The following COL21A1 variants were observed in gnomAD, a reference collection of about 807,000 sequenced individuals.
COL21A1 encodes the protein collagen type XXI alpha 1 chain, also known as collagen alpha-1(XXI) chain.
In COL21A1, 149 loss-of-function variants were observed where a neutral mutation model predicts 137.9. That is an observed-to-expected ratio of 1.08 (90% CI 0.95 to 1.24). The LOEUF (loss-of-function observed/expected upper bound fraction) is 1.24, where lower values mean the gene tolerates loss of function less well. Among genes scored for constraint, COL21A1 ranks in the 50% most tolerant of loss-of-function variants. The pLI, the probability that COL21A1 is intolerant of heterozygous loss-of-function variation, is 0.00. For missense variants in COL21A1, 1,167 were observed against 1,158.4 expected, an observed-to-expected ratio of 1.01 and a Z score of -0.11; for synonymous variants, 456 against 391.5, an observed-to-expected ratio of 1.16 and a Z score of -1.95.
rs374235608 is a variant in COL21A1 at position 56,323,285 on chromosome 6, T to C, written c.-39+70686A>G. 2.0e-5 allele frequency among the ~76,000 whole-genome samples: 3 copies of C among 152,192 alleles called. No homozygotes were observed. In the East Asian group the frequency reaches 5.8e-4, roughly 29 times the overall value. On this transcript the variant is annotated intron_variant, in intron 1 of 28. Coordinates refer to the COL21A1 transcript ENST00000370819. ...GATATGGCATGAACATCAAAGTTTTTCATATTGTTTTCTTGAAAAATCACT... is the reference window on the plus strand; with the variant it reads ...GATATGGCATGAACATCAAAGTTTTCCATATTGTTTTCTTGAAAAATCACT...
upstream of COL21A1, among the ~76,000 whole-genome samples, chr6:56,252,520 G>T (rs1782877870): frequency 6.6e-6 from 1 of 152,126 alleles, no homozygotes; most frequent in Non-Finnish European, 1.5e-5. Context: ...ATTAAGTTTT[G>T]AAAAAGAGGC....
chr6:56,389,110 C>T (rs1023713976), intron 1 of COL21A1, among the ~76,000 whole-genome samples: 1 of 152,158 alleles, frequency 6.6e-6, no homozygotes, highest in African/African-American at 2.4e-5. Context: ...TGCCTATAAT[C>T]CCAGCACTTT....
intron 1 of COL21A1, among the ~76,000 whole-genome samples, chr6:56,290,499 ATTT>A (rs1268560590): frequency 7.1e-6 from 1 of 139,946 alleles, no homozygotes; most frequent in African/African-American, 2.7e-5. Flanking sequence ...CACTTAGGAG[ATTT>A]TTTTTTTTTT....
At chr6:56,269,541 G>T (rs1763473726) in intron 1 of COL21A1, among the ~76,000 whole-genome samples, 1 of 150,676 alleles carries the variant, frequency 6.6e-6, no homozygotes, top group Non-Finnish European at 1.5e-5. Flanking sequence ...TGTAGTCCCA[G>T]CTACTTGGGA....
chr6:56,144,095 G>A (rs1328888954), intron 10 of COL21A1, among the ~76,000 whole-genome samples: 1 of 152,136 alleles, frequency 6.6e-6, no homozygotes, highest in Non-Finnish European at 1.5e-5. Flanking sequence ...AACCACTTTG[G>A]AATCAGATAG....
chr6:56,097,583 A>T (rs1769457596), intron 17 of COL21A1, among the ~76,000 whole-genome samples: 1 of 150,846 alleles, frequency 6.6e-6, no homozygotes, highest in Non-Finnish European at 1.5e-5. Context: ...ACTCCCTGGA[A>T]TGGTAAATTA....
chr6:56,321,188 G>GTCAAGGCATTGATTGCCATTTGT (rs1451003388), intron 1 of COL21A1, among the ~76,000 whole-genome samples: 4 of 152,140 alleles, frequency 2.6e-5, no homozygotes, highest in Admixed American at 2.6e-4. Context: ...CATCTTATGA[G>GTCAAGGCATTGATTGCCATTTGT]TCAAGGCATT....
chr6:56,068,146 C>T (rs1766422984), intron 22 of COL21A1, among the ~76,000 whole-genome samples: 1 of 151,582 alleles, frequency 6.6e-6, no homozygotes, highest in Non-Finnish European at 1.5e-5. Context: ...TGTGGGGACA[C>T]TTCTGTCTCA....
chr6:56,272,107 C>G (rs1763542130), intron 1 of COL21A1, among the ~76,000 whole-genome samples: 1 of 152,194 alleles, frequency 6.6e-6, no homozygotes, highest in Non-Finnish European at 1.5e-5. Context: ...GGGCCACCAT[C>G]TCCAGATCAG....
chr6:56,077,604 A>C lies in COL21A1; in HGVS notation c.1813-31T>G, dbSNP rs751395762. On this transcript the variant is annotated intron_variant, in intron 17 of 29. Coordinates refer to ENST00000244728, the MANE Select transcript of COL21A1 (RefSeq NM_030820.4). The stretch of plus-strand genomic sequence containing the variant: ...AACAAATAAAATAGATTTTTAACTT[A>C]TAAAAAATTGAAGACTTTATCATTA... 3 of 1,384,050 alleles carry C rather than the reference A, an allele frequency of 2.2e-6. No homozygotes were observed. The East Asian group carries it at 7.6e-5, about 35-fold the overall frequency. 85.7% of individuals were successfully genotyped at this position (1,384,050 alleles called of 1,614,324 possible).
At position 56,129,675 on chromosome 6, in the gene COL21A1, C is replaced by CGTGTGTGTGT. The variant is rs78820557; in HGVS notation, c.1543-3536_1543-3527dup. 6.1e-3 allele frequency among the ~76,000 whole-genome samples: 833 copies of CGTGTGTGTGT among 136,470 alleles called. 3 individuals are homozygous for CGTGTGTGTGT. Among genetic ancestry groups the CGTGTGTGTGT allele is most frequent in the South Asian group, 9.5e-3 (37 of 3,888 alleles). The allele number at this position is 136,470 out of a possible 152,430, so 89.5% of individuals were successfully genotyped here. A position where few individuals can be genotyped will look rare whatever the true frequency, so the allele number is the denominator to read the frequency against. Reference sequence around the variant, plus strand: ...TGTTGCTTCCTCTGTCACGTGCGTGCGTGTGTGTGTGTGTGTGTGTGTGTG... The same window carrying CGTGTGTGTGT: ...TGTTGCTTCCTCTGTCACGTGCGTGCGTGTGTGTGTGTGTGTGTGTGTGTGTGTGTGTGTG... On this transcript the variant is annotated intron_variant, in intron 12 of 29. Coordinates refer to ENST00000244728, the MANE Select transcript of COL21A1 (RefSeq NM_030820.4).
intron 18 of COL21A1, among the ~76,000 whole-genome samples, chr6:56,076,032 A>G (rs1297420462): frequency 2.0e-5 from 3 of 151,506 alleles, no homozygotes; most frequent in Non-Finnish European, 4.4e-5. Flanking sequence ...GAGGTATTCA[A>G]AGATCTCTCA....
At chr6:56,310,419 T>C (rs1451976680) in intron 1 of COL21A1, among the ~76,000 whole-genome samples, 2 of 152,264 alleles carry the variant, frequency 1.3e-5, no homozygotes, top group East Asian at 3.9e-4. Flanking sequence ...GAGAAGAGTT[T>C]GAGTATCAGT....
intron 1 of COL21A1, among the ~76,000 whole-genome samples, chr6:56,205,915 T>G (rs1258075365): frequency 7.9e-5 from 12 of 152,140 alleles, no homozygotes; most frequent in Admixed American, 7.9e-4. Flanking sequence ...ATAAAATCCT[T>G]TATAGACAAG....
At chr6:56,287,757 T>G (rs560151356) in intron 1 of COL21A1, among the ~76,000 whole-genome samples, 2 of 152,176 alleles carry the variant, frequency 1.3e-5, no homozygotes, top group African/African-American at 4.8e-5. Context: ...ATCAACTGAC[T>G]TTGAGACATG....
At chr6:56,120,049 T>C (rs1772328401) in intron 16 of COL21A1, among the ~76,000 whole-genome samples, 1 of 152,114 alleles carries the variant, frequency 6.6e-6, no homozygotes, top group Admixed American at 6.5e-5. Context: ...CAAGTAAACA[T>C]GGACAAATCA....
At chr6:56,121,061 C>T (rs1399709042) in intron 16 of COL21A1, among the ~76,000 whole-genome samples, 1 of 152,130 alleles carries the variant, frequency 6.6e-6, no homozygotes, top group African/African-American at 2.4e-5. Context: ...TTTGCAACAA[C>T]ATGGATCAAA....
At chr6:56,104,759 CA>C (rs1199558549) in intron 16 of COL21A1, among the ~76,000 whole-genome samples, 1 of 152,052 alleles carries the variant, frequency 6.6e-6, no homozygotes, top group Non-Finnish European at 1.5e-5. Context: ...CACAACAAGA[CA>C]GTTCTTTAAA....
At chr6:56,300,883 C>T (rs1236126632) in intron 1 of COL21A1, among the ~76,000 whole-genome samples, 1 of 152,122 alleles carries the variant, frequency 6.6e-6, no homozygotes, top group Non-Finnish European at 1.5e-5. Flanking sequence ...CCTTAAGGGG[C>T]TTTATTTACC....
Sources: allele counts gnomAD v4.1 joint callset (sites outside exome capture counted in the v4.1 genomes callset), GRCh38; gene constraint gnomAD v4.1.1; transcripts MANE v1.5; gene names NCBI Gene and HGNC (gene_info 2026-07-23, HGNC 2026-07-21).